TECPR2: variants seen among roughly 807,000 people sequenced by gnomAD.
TECPR2 encodes the protein tectonin beta-propeller repeat-containing protein 2.
In TECPR2, 65 loss-of-function variants were observed where a neutral mutation model predicts 138.1. The ratio of observed to expected loss-of-function variants is 0.47; its 90% CI spans 0.39 to 0.58. The LOEUF is 0.58. Among genes scored for constraint, TECPR2 ranks in the 20% least tolerant of loss-of-function variants. The probability of loss-of-function intolerance (pLI) is 0.00; values close to 1 mark genes in which losing one functional copy is unlikely to be tolerated. For synonymous variants in TECPR2, 746 were observed against 749.8 expected (o/e 0.99, Z 0.08); for missense variants, 1,553 against 1,824.5 (o/e 0.85, Z 2.71).
intron 17 of TECPR2, among the ~76,000 whole-genome samples, chr14:102,486,411 T>TA (rs1213504858): frequency 1.3e-5 from 2 of 152,224 alleles, no homozygotes; most frequent in Admixed American, 1.3e-4. Flanking sequence ...GTGATCCTCT[T>TA]ACCTCATCCT....
intron 10 of TECPR2, among the ~76,000 whole-genome samples, chr14:102,439,294 T>C (rs1889767343): frequency 6.6e-6 from 1 of 152,208 alleles, no homozygotes; most frequent in Admixed American, 6.5e-5. Context: ...AAGCTGAGTC[T>C]GTGGCTTGGG....
rs760025716 is a variant in TECPR2 at position 102,445,812 on chromosome 14, G to A, written c.2940G>A (p.Arg980=). Residue 980 remains arginine (R), a synonymous_variant, in exon 13 of 20, where the codon AGG becomes AGA. Coordinates refer to ENST00000359520, the MANE Select transcript of TECPR2 (RefSeq NM_014844.5). The part of the protein sequence containing the change: ...EQWKCDIVSE[R]QALEPVCITL... Reference sequence around the variant, plus strand: ...TTCTCCTCCTTATTTTCAGCGAAAGGCAAGCTTTAGAACCCGTCTGCATAA... The same window carrying A: ...TTCTCCTCCTTATTTTCAGCGAAAGACAAGCTTTAGAACCCGTCTGCATAA... The A allele has an allele frequency of 6.2e-7, 1 of 1,613,646 alleles. No individual in the cohort carries two copies. The highest frequency in any genetic ancestry group is 8.5e-7 in the Non-Finnish European group (1 of 1,179,830).
intron 17 of TECPR2, among the ~76,000 whole-genome samples, chr14:102,490,417 A>G (rs1188122961): frequency 6.6e-6 from 1 of 152,240 alleles, no homozygotes; most frequent in Non-Finnish European, 1.5e-5. Context: ...CAGGACTGCC[A>G]GGCAGGGCTA....
intron 17 of TECPR2, among the ~76,000 whole-genome samples, chr14:102,484,496 G>A (rs1349136434): frequency 6.6e-6 from 1 of 152,142 alleles, no homozygotes; most frequent in African/African-American, 2.4e-5. Context: ...TGGAGCCTGT[G>A]GGCCCCGCGG....
chr14:102,452,697 G>GGACAA, intron 16 of TECPR2, 70 bp downstream of exon 16: 1 of 1,307,542 alleles, frequency 7.6e-7, no homozygotes, highest in Non-Finnish European at 1.1e-6. Context: ...ACGTGATGTC[G>GGACAA]GACAAAACTG....
rs74651449 is a variant in TECPR2, at chr14:102,490,511, T to C, written c.3790-6468T>C. ...GCCAACTTTTCAAGCGTTGGTTTTT[T>C]GTCTGTTGAAACCTCGGTGTATTTT... On this transcript the variant is annotated intron_variant, in intron 17 of 19. Coordinates refer to ENST00000359520, the MANE Select transcript of TECPR2 (RefSeq NM_014844.5). Among the ~76,000 whole-genome samples the C allele has an allele frequency of 1.9e-3, 290 of 152,326 alleles. 1 individual carries two copies. The highest frequency in any genetic ancestry group is 6.8e-3 in the African/African-American group (282 of 41,578).
chr14:102,498,012 C>A, intron 19 of TECPR2, 91 bp from the exon 20 acceptor site: 2 of 825,998 alleles, frequency 2.4e-6, no homozygotes, highest in Non-Finnish European at 3.6e-6. Flanking sequence ...ATGTGGCAAG[C>A]CCAGACCTGC....
chr14:102,427,519 A>C (rs2139719987), intron 6 of TECPR2, among the ~76,000 whole-genome samples: 1 of 152,312 alleles, frequency 6.6e-6, no homozygotes, highest in South Asian at 2.1e-4. Context: ...CTCCTTCTAC[A>C]ACAGACTAGT....
intron 8 of TECPR2, 134 bp downstream of exon 8, chr14:102,432,262 G>A: frequency 2.4e-6 from 2 of 848,082 alleles, no homozygotes; most frequent in Admixed American, 6.1e-5. Context: ...TTCCCCAAAG[G>A]AGTTTTACTG....
intron 2 of TECPR2, among the ~76,000 whole-genome samples, chr14:102,392,682 C>G (rs1231695592): frequency 6.6e-6 from 1 of 152,112 alleles, no homozygotes; most frequent in African/African-American, 2.4e-5. Context: ...GCTTCCCTAT[C>G]GTAATTTCTA....
chr14:102,471,172 G>C (rs12887470), intron 17 of TECPR2, among the ~76,000 whole-genome samples: 2 of 151,126 alleles, frequency 1.3e-5, no homozygotes, highest in South Asian at 2.1e-4. Context: ...GGCTGGTCTC[G>C]AACTCCTGAC....
chr14:102,497,764 A>C (rs902961510), intron 19 of TECPR2, 45 bp downstream of exon 19: 1 of 1,544,188 alleles, frequency 6.5e-7, no homozygotes, highest in Admixed American at 1.9e-5. Flanking sequence ...TGGGGTTCCC[A>C]GGGCTCCTGT....
At chr14:102,399,432 G>A (rs1888409772) in intron 2 of TECPR2, among the ~76,000 whole-genome samples, 1 of 152,124 alleles carries the variant, frequency 6.6e-6, no homozygotes, top group East Asian at 1.9e-4. Context: ...AACAAAAATG[G>A]AGGGAGTTCA....
At chr14:102,466,742 C>T (rs4906206) in intron 17 of TECPR2, among the ~76,000 whole-genome samples, 11,413 of 152,204 alleles carry the variant, frequency 0.075, 1,276 homozygotes, top group East Asian at 0.49. Context: ...CAGCAGTTAG[C>T]ACCATCCAAT....
Position 102,438,268 on chromosome 14 carries a change from C to CT in TECPR2, c.2578+63_2578+64insT. 2.0e-6 allele frequency: 3 copies of CT among 1,537,138 alleles called. No homozygotes were observed. In the South Asian group the frequency reaches 3.7e-5, roughly 19 times the overall value. ...CGCTCGCCGCTCCTGCTCCCCGCCC[C>CT]CGGGGTGCAGACATCTTAGTACAGG... On this transcript the variant is annotated intron_variant, in intron 10 of 19. Coordinates refer to ENST00000359520, the MANE Select transcript of TECPR2 (RefSeq NM_014844.5).
chr14:102,448,734 GC>G (rs1370921996), intron 13 of TECPR2, among the ~76,000 whole-genome samples: 3 of 151,998 alleles, frequency 2.0e-5, no homozygotes, highest in Non-Finnish European at 2.9e-5. Context: ...GGCTGTTGTG[GC>G]GTGCGCCTGT....
At chr14:102,384,599 C>A (rs1887939115) in intron 2 of TECPR2, among the ~76,000 whole-genome samples, 1 of 151,612 alleles carries the variant, frequency 6.6e-6, no homozygotes, top group Admixed American at 6.6e-5. Context: ...ATCACTTGAA[C>A]CCGGGAGGCG....
intron 17 of TECPR2, among the ~76,000 whole-genome samples, chr14:102,478,989 C>T: frequency 6.9e-6 from 1 of 144,778 alleles, no homozygotes. Context: ...TGCACTCCAG[C>T]CTGGGCGAAA....
chr14:102,484,939 G>A (rs565527107), intron 17 of TECPR2, among the ~76,000 whole-genome samples: 12 of 152,196 alleles, frequency 7.9e-5, no homozygotes, highest in African/African-American at 1.4e-4. Context: ...GATTACAGGC[G>A]CGAGCCACTG....
Sources: gnomAD v4.1 joint callset for allele counts (sites outside exome capture counted in the v4.1 genomes callset) on GRCh38, gnomAD v4.1.1 for gene constraint, MANE v1.5 for transcripts, NCBI Gene and HGNC (gene_info 2026-07-23, HGNC 2026-07-21) for gene names.